HAO2: variants seen among roughly 807,000 people sequenced by gnomAD.
The protein encoded by HAO2 is hydroxyacid oxidase 2.
In HAO2, 42 loss-of-function variants were observed where a neutral mutation model predicts 37.4. The ratio of observed to expected loss-of-function variants is 1.12; its 90% CI spans 0.88 to 1.45. The LOEUF (loss-of-function observed/expected upper bound fraction) is 1.45, where lower values mean the gene tolerates loss of function less well. Ranked by LOEUF, HAO2 falls within the 40% of genes most tolerant of loss-of-function variation. The probability of loss-of-function intolerance (pLI) is 0.00; values close to 1 mark genes in which losing one functional copy is unlikely to be tolerated. For synonymous variants in HAO2, 180 were observed against 162.8 expected, an observed-to-expected ratio of 1.11 and a Z score of -0.81; for missense variants, 476 against 430.2, an observed-to-expected ratio of 1.11 and a Z score of -0.94.
intron 1 of HAO2, among the ~76,000 whole-genome samples, chr1:119,374,584 C>T (rs928905651): frequency 2.0e-5 from 3 of 152,222 alleles, no homozygotes; most frequent in Non-Finnish European, 4.4e-5. Context: ...TAGCACCAAG[C>T]AAGTGTACCT....
chr1:119,389,501 T>C (rs1360661814), intron 5 of HAO2, among the ~76,000 whole-genome samples: 1 of 151,946 alleles, frequency 6.6e-6, no homozygotes, highest in Non-Finnish European at 1.5e-5. Flanking sequence ...AAGGAAGTAT[T>C]GCATTGTAAT....
intron 1 of HAO2, among the ~76,000 whole-genome samples, chr1:119,374,810 A>G (rs1649317430): frequency 1.3e-5 from 2 of 152,252 alleles, no homozygotes; most frequent in Admixed American, 1.3e-4. Context: ...CTGGTGTTAA[A>G]TCAGATTGCA....
intron 1 of HAO2, among the ~76,000 whole-genome samples, chr1:119,375,526 T>C (rs1414991332): frequency 6.6e-6 from 1 of 152,162 alleles, no homozygotes; most frequent in Non-Finnish European, 1.5e-5. Context: ...GTTCTTTACC[T>C]GAAATTGAAA....
chr1:119,385,181 G>T, intron 4 of HAO2, 128 bp downstream of exon 4: 1 of 1,423,500 alleles, frequency 7.0e-7, no homozygotes, highest in Non-Finnish European at 9.2e-7. Context: ...CAGACACTGC[G>T]GATAAAGCAG....
At chr1:119,393,538 A>C (rs587702397) in intron 7 of HAO2, among the ~76,000 whole-genome samples, 25 of 152,296 alleles carry the variant, frequency 1.6e-4, no homozygotes, top group South Asian at 8.3e-4. Flanking sequence ...AAAATGCTAA[A>C]ATAGGGTTTT....
chr1:119,381,437 G>C (rs59417703), intron 2 of HAO2, among the ~76,000 whole-genome samples: 4,334 of 152,270 alleles, frequency 0.028, 194 homozygotes, highest in African/African-American at 0.097. Flanking sequence ...GCATAAGTGA[G>C]TCATTCTCCT....
chr1:119,389,433 T>C (rs1346997121), intron 5 of HAO2, among the ~76,000 whole-genome samples: 3 of 151,506 alleles, frequency 2.0e-5, no homozygotes, highest in African/African-American at 7.3e-5. Context: ...GTGTTCCCTG[T>C]TCACTGCATC....
At chr1:119,375,866 C>G (rs1163872733) in intron 1 of HAO2, among the ~76,000 whole-genome samples, 1 of 151,980 alleles carries the variant, frequency 6.6e-6, no homozygotes, top group East Asian at 1.9e-4. Flanking sequence ...TGGTGAAACC[C>G]GCTCCCCCAT....
rs1266417286 is a variant in HAO2, at chr1:119,392,263, T to C, written c.925T>C (p.Cys309Arg). The C allele has an allele frequency of 2.5e-6, 4 of 1,609,042 alleles. No homozygotes were observed. The East Asian group carries it at 8.9e-5, about 36-fold the overall frequency. ...LGRPILWGLA[C>R]KGEHGVKEVL... ...GAGACCAATCCTATGGGGCCTTGCCTGCAAGGTGAGAGTGGCAAAGCAAAC... is the reference window on the plus strand; with the variant it reads ...GAGACCAATCCTATGGGGCCTTGCCCGCAAGGTGAGAGTGGCAAAGCAAAC... Residue 309 changes from cysteine to arginine, a missense_variant, in exon 6 of 8, where the codon TGC becomes CGC. Transcript: ENST00000325945.
intron 1 of HAO2, chr1:119,380,391 G>A (rs963138472): frequency 1.1e-5 from 4 of 351,620 alleles, no homozygotes; most frequent in Non-Finnish European, 2.0e-5. Flanking sequence ...ATAGGAAAAA[G>A]GTAGATGGTG....
chr1:119,377,378 T>A (rs1649553272), intron 1 of HAO2, among the ~76,000 whole-genome samples: 1 of 152,180 alleles, frequency 6.6e-6, no homozygotes, highest in Non-Finnish European at 1.5e-5. Flanking sequence ...CAGCCTGGAC[T>A]TCATTGTCCA....
Position 119,388,442 on chromosome 1 carries a change from C to G in HAO2, c.771+1611C>G, listed in dbSNP as rs142344406. On this transcript the variant is annotated intron_variant, in intron 5 of 7. Transcript: ENST00000325945. ...CTAATTCTCCCATTGTGCTTCCCCACTAGAGAATGAGTATTGGCTAAGGTA... is the reference window on the plus strand; with the variant it reads ...CTAATTCTCCCATTGTGCTTCCCCAGTAGAGAATGAGTATTGGCTAAGGTA... 1.2e-3 allele frequency among the ~76,000 whole-genome samples: 189 copies of G among 152,326 alleles called. 2 individuals are homozygous for G. The Middle Eastern group carries it at 0.017, about 14-fold the overall frequency.
In HAO2 at chr1:119,384,999, T is replaced by C. The variant is rs1650267647; in HGVS notation, c.507T>C (p.Ile169=). The C allele has an allele frequency of 6.2e-7, 1 of 1,613,832 alleles. No individual in the cohort carries two copies. The highest frequency in any genetic ancestry group is 8.5e-7 in the Non-Finnish European group (1 of 1,179,908). The stretch of plus-strand genomic sequence containing the variant: ...TATGTGGCAACAGGCGACATGACAT[T>C]CGAAACCAGTTGAGGAGGAACTTAA... The part of the protein sequence containing the change: ...TPVCGNRRHD[I]RNQLRRNLTL... Residue 169 remains isoleucine, a synonymous_variant, in exon 4 of 8, where the codon ATT becomes ATC. Coordinates refer to ENST00000325945, the MANE Select transcript of HAO2 (RefSeq NM_016527.4).
rs587632538 is a variant in HAO2 at position 119,385,208 on chromosome 1, T to C, written c.561+155T>C. 2,619 of 975,328 alleles carry C rather than the reference T, an allele frequency of 2.7e-3. 9 individuals are homozygous for C. The highest frequency in any genetic ancestry group is 3.2e-3 in the Middle Eastern group (6 of 1,898). The allele number at this position is 975,328 out of a possible 1,614,324, so 60.4% of individuals were successfully genotyped here. A position where few individuals can be genotyped will look rare whatever the true frequency, so the allele number is the denominator to read the frequency against. On this transcript the variant is annotated intron_variant, in intron 4 of 7. Coordinates refer to ENST00000325945, the MANE Select transcript of HAO2 (RefSeq NM_016527.4). Reference sequence around the variant, plus strand: ...ATAAAGCAGTTTCAAAAAGCAGATATGGTTCCTGCTCCCTAGAGTTTCCAG... The same window carrying C: ...ATAAAGCAGTTTCAAAAAGCAGATACGGTTCCTGCTCCCTAGAGTTTCCAG...
At chr1:119,390,637 G>C (rs1255785637) in intron 5 of HAO2, among the ~76,000 whole-genome samples, 3 of 152,200 alleles carry the variant, frequency 2.0e-5, no homozygotes, top group Non-Finnish European at 4.4e-5. Flanking sequence ...GATAATAATT[G>C]TGAAATAAAA....
rs1650256116 is a variant in HAO2, at chr1:119,384,894, C to A, written c.402C>A (p.Asp134Glu). 1 of 1,613,922 alleles carries A rather than the reference C, an allele frequency of 6.2e-7. No individual in the cohort carries two copies. Among genetic ancestry groups the A allele is most frequent in the Non-Finnish European group, 8.5e-7 (1 of 1,179,828 alleles). The change falls in exon 4 of 8, where the codon GAC becomes GAA. Residue 134 changes from aspartate to glutamate, a missense_variant. Asp to Glu is a conservative substitution (Grantham distance 45). Coordinates refer to ENST00000325945, the MANE Select transcript of HAO2 (RefSeq NM_016527.4). ...GGTTCCAACTCTATGTGCATCCAGA[C>A]CTGCAGCTGAACAAACAGTTGATCC... ...LRWFQLYVHP[D>E]LQLNKQLIQR...
chr1:119,380,730 T>C (rs202175659), intron 1 of HAO2: 245 of 1,582,182 alleles, frequency 1.5e-4, no homozygotes, highest in Middle Eastern at 1.0e-3. Flanking sequence ...GAAGGCAAGA[T>C]ACAAAAATAA....
chr1:119,391,823 T>C (rs1650929055), intron 5 of HAO2, among the ~76,000 whole-genome samples: 1 of 152,126 alleles, frequency 6.6e-6, no homozygotes, highest in Non-Finnish European at 1.5e-5. Context: ...AAGTGGAAAA[T>C]GTCCCTTTTA....
chr1:119,379,564 G>T (rs1406799141), intron 1 of HAO2, among the ~76,000 whole-genome samples: 1 of 152,124 alleles, frequency 6.6e-6, no homozygotes, highest in East Asian at 1.9e-4. Flanking sequence ...CCCTTTGAAG[G>T]GTGGAGTAAG....
Sources: allele counts gnomAD v4.1 joint callset (sites outside exome capture counted in the v4.1 genomes callset), GRCh38; gene constraint gnomAD v4.1.1; transcripts MANE v1.5; gene names NCBI Gene and HGNC (gene_info 2026-07-23, HGNC 2026-07-21).